Variants in PRH1 observed in about 807,000 individuals in gnomAD.
The protein encoded by PRH1 is proline rich protein HaeIII subfamily 1.
In PRH1, 7 loss-of-function variants were observed where a neutral mutation model predicts 7.9. The observed-to-expected ratio is 0.89, with a 90% confidence interval of 0.50 to 1.67. PRH1 has a LOEUF of 1.67. PRH1 is among the 40% of genes most tolerant of loss of function. The probability of loss-of-function intolerance (pLI) is 0.00; values close to 1 mark genes in which losing one functional copy is unlikely to be tolerated. For synonymous variants in PRH1, 45 were observed against 80.8 expected (o/e 0.56, Z 2.38); for missense variants, 109 against 223.6 (o/e 0.49, Z 3.27).
At chr12:11,020,304 C>T (rs1273133700) in intron 1 of PRH1, among the ~76,000 whole-genome samples, 3 of 150,426 alleles carry the variant, frequency 2.0e-5, no homozygotes, top group Non-Finnish European at 4.4e-5. Flanking sequence ...GAAAGCGAGA[C>T]AGATATGACC....
chr12:11,069,426 G>GACCCTGTTGAAAATTGGT (rs1943964877), intron 1 of PRH1, among the ~76,000 whole-genome samples: 1 of 54,006 alleles, frequency 1.9e-5, no homozygotes, highest in African/African-American at 4.5e-5. Context: ...GTAGAATTGA[G>GACCCTGTTGAAAATTGGT]ATCTTGGGCA....
intron 1 of PRH1, 98 bp downstream of exon 1, chr12:10,884,056 T>G: frequency 6.8e-7 from 1 of 1,461,052 alleles, no homozygotes; most frequent in Non-Finnish European, 9.5e-7. Context: ...GTCCCATCTG[T>G]TTTCTCATCC....
At chr12:11,120,506 A>T (rs990771765), downstream of PRH1, among the ~76,000 whole-genome samples, 1 of 152,046 alleles carries the variant, frequency 6.6e-6, no homozygotes, top group African/African-American at 2.4e-5. Flanking sequence ...CAGCTTTTTT[A>T]CTGACGTTTT....
intron 1 of PRH1, chr12:11,021,878 T>C: frequency 1.2e-6 from 2 of 1,614,174 alleles, no homozygotes; most frequent in Non-Finnish European, 8.5e-7. Flanking sequence ...AGGAAGGAGG[T>C]CACAGTTTGC....
At position 10,985,216 on chromosome 12, in the gene PRH1, C is replaced by T. The variant is rs143976812; in HGVS notation, c.-125-11495G>A. Among the ~76,000 whole-genome samples, 655 of 152,086 alleles carry T rather than the reference C, an allele frequency of 4.3e-3. 8 individuals are homozygous for T. The highest frequency in any genetic ancestry group is 0.015 in the African/African-American group (633 of 41,466). ...GTCATCACGGTGTTTCTTTCTTCAT[C>T]CTTATTATAGAAATGACTTTTTTCT... On this transcript the variant is annotated intron_variant, in intron 1 of 3. Coordinates refer to the PRH1 transcript ENST00000539853.
Position 10,884,185 on chromosome 12 carries a change from C to T in PRH1, c.33G>A (p.Leu11=), listed in dbSNP as rs1271402922. The change falls in exon 1 of 4, where the codon CTG becomes CTA. Residue 11 remains leucine, a synonymous_variant. Coordinates refer to ENST00000543626, the MANE Select transcript of PRH1 (RefSeq NM_001393989.1). The part of the protein sequence containing the change: MLLILLSVAL[L]AFSSAQDLNE... ...TTAAATCCTGAGCTGAGCTGAAGGCCAGCAGGGCCACTGACAGCAGAATCA... is the reference window on the plus strand; with the variant it reads ...TTAAATCCTGAGCTGAGCTGAAGGCTAGCAGGGCCACTGACAGCAGAATCA... 2 of 1,614,210 alleles carry T rather than the reference C, an allele frequency of 1.2e-6. No individual in the cohort carries two copies. The highest frequency in any genetic ancestry group is 3.3e-5 in the Admixed American group (2 of 60,026).
intron 2 of PRH1, among the ~76,000 whole-genome samples, chr12:10,942,654 T>C (rs779845281): frequency 2.0e-5 from 3 of 152,152 alleles, no homozygotes; most frequent in Admixed American, 6.5e-5. Flanking sequence ...TGAAAGAAAG[T>C]AGGACTTTAG....
At chr12:11,033,626 T>C (rs1212127314) in intron 1 of PRH1, among the ~76,000 whole-genome samples, 1 of 152,114 alleles carries the variant, frequency 6.6e-6, no homozygotes, top group Non-Finnish European at 1.5e-5. Context: ...AAGAAATCCT[T>C]TGGAAAGATC....
At chr12:11,171,568 A>G, upstream of PRH1, 8 of 1,231,938 alleles carry the variant, frequency 6.5e-6, no homozygotes, top group Non-Finnish European at 7.1e-6. Context: ...ATTTAGAGCC[A>G]TGACTAAGCT....
At chr12:10,977,458 AC>A (rs1258780114) in intron 1 of PRH1, among the ~76,000 whole-genome samples, 1 of 152,178 alleles carries the variant, frequency 6.6e-6, no homozygotes, top group African/African-American at 2.4e-5. Context: ...GCCACATCAT[AC>A]CGAATGAGCA....
intron 1 of PRH1, among the ~76,000 whole-genome samples, chr12:10,977,599 G>A (rs1265978471): frequency 6.6e-6 from 1 of 152,156 alleles, no homozygotes; most frequent in Non-Finnish European, 1.5e-5. Flanking sequence ...ATCTAAGTAG[G>A]AAGAGAAGAA....
At chr12:10,967,626 T>C (rs996469007) in intron 2 of PRH1, among the ~76,000 whole-genome samples, 1 of 152,104 alleles carries the variant, frequency 6.6e-6, no homozygotes, top group Non-Finnish European at 1.5e-5. Context: ...TGATTAGCTT[T>C]TTGTTTTGTT....
intron 1 of PRH1, among the ~76,000 whole-genome samples, chr12:11,093,733 T>C (rs1187137008): frequency 8.7e-6 from 1 of 115,560 alleles, no homozygotes; most frequent in East Asian, 2.1e-4. Flanking sequence ...ATCATTTCAC[T>C]TATTTTGATA....
intron 1 of PRH1, chr12:10,997,137 T>A (rs1311319257): frequency 6.2e-7 from 1 of 1,614,024 alleles, no homozygotes; most frequent in Non-Finnish European, 8.5e-7. Context: ...CAAAACGATA[T>A]GATTAGACAC....
chr12:11,001,008 T>TG (rs66809818), intron 1 of PRH1, among the ~76,000 whole-genome samples: 1,708 of 80,652 alleles, frequency 0.021, 16 homozygotes, highest in South Asian at 0.15. Context: ...GTTGGCTTTG[T>TG]TTTTTTGTTT....
At chr12:11,077,999 C>A in intron 1 of PRH1, 1 of 652,446 alleles carries the variant, frequency 1.5e-6, no homozygotes, top group Non-Finnish European at 2.7e-6. Flanking sequence ...GAAGCAACAG[C>A]TCCTACTTCT....
chr12:10,918,445 T>C (rs141313338), intron 2 of PRH1, among the ~76,000 whole-genome samples: 1 of 152,172 alleles, frequency 6.6e-6, no homozygotes, highest in Admixed American at 6.5e-5. Flanking sequence ...ATTATCCAAC[T>C]TCAGGTATTC....
At chr12:10,944,367 G>A (rs1414730365) in intron 2 of PRH1, among the ~76,000 whole-genome samples, 1 of 152,004 alleles carries the variant, frequency 6.6e-6, no homozygotes, top group Admixed American at 6.6e-5. Flanking sequence ...TTCCTGATTT[G>A]ATTGTTGTTG....
upstream of PRH1, among the ~76,000 whole-genome samples, chr12:11,048,009 T>C (rs909382632): frequency 2.0e-5 from 3 of 151,874 alleles, no homozygotes; most frequent in Non-Finnish European, 2.9e-5. Context: ...ATAGAGGTAA[T>C]AAATTCTTCA....
Sources: allele counts gnomAD v4.1 joint callset (sites outside exome capture counted in the v4.1 genomes callset), GRCh38; gene constraint gnomAD v4.1.1; transcripts MANE v1.5; gene names NCBI Gene and HGNC (gene_info 2026-07-23, HGNC 2026-07-21).